ADCY10: variants seen among roughly 807,000 people sequenced by gnomAD.
ADCY10 encodes the protein adenylate cyclase type 10.
A neutral mutation model predicts 183.3 loss-of-function variants in ADCY10; 156 were observed. That is an observed-to-expected ratio of 0.85 (90% CI 0.75 to 0.97). The LOEUF is 0.97. Ranked by LOEUF, ADCY10 falls within the 50% of genes least tolerant of loss-of-function variation. The pLI is 0.00. For missense variants in ADCY10, 1,745 were observed against 1,934.3 expected, an observed-to-expected ratio of 0.90 and a Z score of 1.84; for synonymous variants, 645 against 670.0, an observed-to-expected ratio of 0.96 and a Z score of 0.58.
chr1:167,886,578 C>T (rs939834480), intron 8 of ADCY10, among the ~76,000 whole-genome samples: 1 of 152,072 alleles, frequency 6.6e-6, no homozygotes, highest in Non-Finnish European at 1.5e-5. Context: ...AATGTTAGAC[C>T]TAAAACCATA....
intron 8 of ADCY10, among the ~76,000 whole-genome samples, chr1:167,889,858 T>C (rs772000218): frequency 2.6e-5 from 4 of 152,244 alleles, no homozygotes; most frequent in Non-Finnish European, 4.4e-5. Flanking sequence ...ATCCTTTGAA[T>C]TTCTGTATTA....
intron 12 of ADCY10, among the ~76,000 whole-genome samples, chr1:167,877,048 A>T (rs923978252): frequency 6.6e-6 from 1 of 151,662 alleles, no homozygotes; most frequent in Non-Finnish European, 1.5e-5. Flanking sequence ...GATCAATTGA[A>T]CCCCACATTT....
At chr1:167,876,607 C>T (rs1342248330) in intron 12 of ADCY10, among the ~76,000 whole-genome samples, 1 of 152,186 alleles carries the variant, frequency 6.6e-6, no homozygotes, top group African/African-American at 2.4e-5. Flanking sequence ...CCTGTTCATA[C>T]TGTGTGTGTA....
intron 31 of ADCY10, among the ~76,000 whole-genome samples, chr1:167,811,782 A>G (rs1212033499): frequency 6.6e-6 from 1 of 152,226 alleles, no homozygotes; most frequent in Non-Finnish European, 1.5e-5. Context: ...ATGAATTGCT[A>G]GAAACTCAGA....
chr1:167,810,185 G>C (rs1020666629), intron 32 of ADCY10, among the ~76,000 whole-genome samples: 4 of 152,176 alleles, frequency 2.6e-5, no homozygotes, highest in Non-Finnish European at 5.9e-5. Context: ...GGCAGAGAGA[G>C]GGCATGCTAA....
chr1:167,883,102 A>T (rs1412089936), intron 9 of ADCY10, among the ~76,000 whole-genome samples: 1 of 152,184 alleles, frequency 6.6e-6, no homozygotes, highest in African/African-American at 2.4e-5. Context: ...CAGTGGTGCG[A>T]TCTCGGCTCA....
chr1:167,883,755 A>G, intron 8 of ADCY10, 127 bp from the exon 9 acceptor site: 3 of 834,276 alleles, frequency 3.6e-6, no homozygotes, highest in East Asian at 2.6e-5. Flanking sequence ...GTACAACATG[A>G]CAGAGCCAGC....
chr1:167,855,280 A>G (rs1334288826), intron 17 of ADCY10, among the ~76,000 whole-genome samples: 1 of 152,230 alleles, frequency 6.6e-6, no homozygotes, highest in Non-Finnish European at 1.5e-5. Flanking sequence ...AGATCGTGCC[A>G]TTGCACTCCA....
At position 167,848,473 on chromosome 1, in the gene ADCY10, T is replaced by C. The variant is rs1320251679; in HGVS notation, c.2325A>G (p.Leu775=). The C allele has an allele frequency of 5.0e-6, 8 of 1,613,682 alleles. No homozygotes were observed. The East Asian group carries it at 1.8e-4, about 36-fold the overall frequency. The change falls in exon 19 of 33, where the codon CTA becomes CTG. Residue 775 remains leucine, a synonymous_variant. Coordinates refer to ENST00000367851, the MANE Select transcript of ADCY10 (RefSeq NM_018417.6). ...GAGTAACCATGTTTAACTTCTCTGT[T>C]AGCTTAATGGAATACTCTACAGGGG... ...WNNLFKYSIK[L]TEKLNMVTLH...
At chr1:167,913,225 CAAG>C (rs1359856817) in intron 1 of ADCY10, among the ~76,000 whole-genome samples, 9 of 152,224 alleles carry the variant, frequency 5.9e-5, no homozygotes, top group East Asian at 5.8e-4. Flanking sequence ...AAAGATAAAC[CAAG>C]AAGGATTCCT....
chr1:167,889,787 A>T (rs572772985), intron 8 of ADCY10, among the ~76,000 whole-genome samples: 1 of 152,160 alleles, frequency 6.6e-6, no homozygotes, highest in Non-Finnish European at 1.5e-5. Flanking sequence ...ATAGGAGTTT[A>T]TACATTTCTT....
chr1:167,878,535 C>T lies in ADCY10; in HGVS notation c.1317G>A (p.Ala439=), dbSNP rs759231445. ...TCTTTGGAAGCTCTTTAAAAAAGTA[C>T]GCTGGTAGGTTGCTCCCATTGTAGG... ...SVTYNGSNLP[A]YFFKELPKKV... The change falls in exon 12 of 33, where the codon GCG becomes GCA. Residue 439 remains alanine (A), a synonymous_variant. Transcript: ENST00000367851. The T allele has an allele frequency of 5.0e-6, 8 of 1,614,100 alleles. No individual in the cohort carries two copies. The highest frequency in any genetic ancestry group is 3.3e-5 in the South Asian group (3 of 91,074).
At chr1:167,901,891 C>T in intron 4 of ADCY10, 86 bp from the exon 5 acceptor site, 1 of 1,611,564 alleles carries the variant, frequency 6.2e-7, no homozygotes, top group Non-Finnish European at 8.5e-7. Context: ...ACTTACTCAT[C>T]AAGCATTCCT....
intron 14 of ADCY10, among the ~76,000 whole-genome samples, chr1:167,862,998 A>G (rs1373421797): frequency 2.0e-5 from 3 of 152,214 alleles, no homozygotes; most frequent in Non-Finnish European, 4.4e-5. Context: ...TGAGACAAGT[A>G]TATTAGATCT....
intron 15 of ADCY10, 98 bp from the exon 16 acceptor site, chr1:167,859,991 T>A: frequency 1.1e-6 from 1 of 933,892 alleles, no homozygotes; most frequent in Non-Finnish European, 1.7e-6. Flanking sequence ...TTCTGTGTCT[T>A]AAAATCCTCA....
intron 19 of ADCY10, among the ~76,000 whole-genome samples, chr1:167,846,895 C>CA (rs1665071087): frequency 6.6e-6 from 1 of 151,528 alleles, no homozygotes; most frequent in South Asian, 2.1e-4. Flanking sequence ...TCAACTTGCC[C>CA]AAAAAACACA....
intron 12 of ADCY10, among the ~76,000 whole-genome samples, chr1:167,875,741 G>A (rs1411580408): frequency 1.3e-5 from 2 of 151,916 alleles, no homozygotes; most frequent in African/African-American, 4.8e-5. Context: ...ACGAGGTCAG[G>A]AGATCGAGAC....
intron 1 of ADCY10, among the ~76,000 whole-genome samples, chr1:167,910,036 A>T (rs1670052206): frequency 6.6e-6 from 1 of 152,184 alleles, no homozygotes; most frequent in South Asian, 2.1e-4. Flanking sequence ...AACCCCTCAC[A>T]GCTCTAAGCC....
intron 23 of ADCY10, 28 bp downstream of exon 23, chr1:167,836,281 G>T: frequency 6.9e-7 from 1 of 1,441,684 alleles, no homozygotes; most frequent in Non-Finnish European, 9.8e-7. Context: ...TCTCTAGGGT[G>T]GAGGTGGTCT....
Sources: gnomAD v4.1 joint callset for allele counts (sites outside exome capture counted in the v4.1 genomes callset) on GRCh38, gnomAD v4.1.1 for gene constraint, MANE v1.5 for transcripts, NCBI Gene and HGNC (gene_info 2026-07-23, HGNC 2026-07-21) for gene names.